Variants in PKP4 observed in about 807,000 individuals in gnomAD.
PKP4 encodes plakophilin 4.
A neutral mutation model predicts 145.1 loss-of-function variants in PKP4; 90 were observed. The ratio of observed to expected loss-of-function variants is 0.62; its 90% CI spans 0.52 to 0.74. PKP4 has a LOEUF of 0.74. PKP4 is among the 30% of genes least tolerant of loss of function. The probability of loss-of-function intolerance (pLI) is 0.00; values close to 1 mark genes in which losing one functional copy is unlikely to be tolerated. For missense variants in PKP4, 1,340 were observed against 1,482.7 expected, an observed-to-expected ratio of 0.90 and a Z score of 1.58; for synonymous variants, 563 against 577.2, an observed-to-expected ratio of 0.98 and a Z score of 0.35.
rs1171439917 is a variant in PKP4, at chr2:158,662,835, AC to A, written c.2212-61del. ...TTATTTCCTGTCTGTAGTGTTCAGT[AC>A]AGAAGTGTTTTGCTCTAATGTGCCG... On this transcript the variant is annotated intron_variant, in intron 13 of 21. Transcript: ENST00000389759. 2.2e-5 allele frequency: 30 copies of A among 1,334,696 alleles called. No individual in the cohort carries two copies. The Admixed American group carries it at 6.3e-4, about 28-fold the overall frequency. The allele number at this position is 1,334,696 out of a possible 1,614,324, so 82.7% of individuals were successfully genotyped here. A position where few individuals can be genotyped will look rare whatever the true frequency, so the allele number is the denominator to read the frequency against.
In PKP4 at chr2:158,640,757, G is replaced by A. The variant is rs772518217; in HGVS notation, c.1693G>A (p.Glu565Lys). The change falls in exon 10 of 22, where the codon GAG becomes AAG. Residue 565 changes from glutamate (E) to lysine (K), a missense_variant and splice_region_variant. Transcript: ENST00000389759. ...LCFGDNKVKMEVCRLGGIKHL... is the reference protein window; with the variant it reads ...LCFGDNKVKMKVCRLGGIKHL... The stretch of plus-strand genomic sequence containing the variant: ...CTTTGGTGACAACAAAGTGAAGATG[G>A]AGGTACAGGACATGGTGCCTGGGAT... 1.9e-6 allele frequency: 3 copies of A among 1,613,986 alleles called. No homozygotes were observed. The African/African-American group carries it at 4.0e-5, about 22-fold the overall frequency.
chr2:158,656,216 C>T (rs1265793933), intron 11 of PKP4, among the ~76,000 whole-genome samples: 1 of 152,108 alleles, frequency 6.6e-6, no homozygotes, highest in East Asian at 1.9e-4. Context: ...CAGCAAAACC[C>T]CCAGGATCCA....
intron 2 of PKP4, among the ~76,000 whole-genome samples, chr2:158,563,263 TA>T (rs1360001256): frequency 2.0e-5 from 3 of 152,110 alleles, no homozygotes; most frequent in Admixed American, 6.6e-5. Flanking sequence ...TTACAAAAAT[TA>T]ATAACAAAAA....
At chr2:158,541,658 C>T (rs2044532339) in intron 2 of PKP4, among the ~76,000 whole-genome samples, 1 of 152,056 alleles carries the variant, frequency 6.6e-6, no homozygotes, top group South Asian at 2.1e-4. Flanking sequence ...GAATTTCAAT[C>T]TCTGTGGCTC....
chr2:158,464,742 G>A (rs1187715312), intron 1 of PKP4, among the ~76,000 whole-genome samples: 2 of 152,202 alleles, frequency 1.3e-5, no homozygotes, highest in Non-Finnish European at 2.9e-5. Context: ...CAGTGAAATG[G>A]ATCATGTGTT....
At chr2:158,554,496 G>A (rs1358854778) in intron 2 of PKP4, among the ~76,000 whole-genome samples, 3 of 150,872 alleles carry the variant, frequency 2.0e-5, no homozygotes, top group African/African-American at 4.9e-5. Flanking sequence ...TGCAATCTTG[G>A]CTCACTGCAA....
chr2:158,522,881 G>T (rs942853202), intron 1 of PKP4, among the ~76,000 whole-genome samples: 6 of 152,202 alleles, frequency 3.9e-5, no homozygotes, highest in Non-Finnish European at 8.8e-5. Flanking sequence ...GACGCACCTG[G>T]AAAATCGGGT....
Position 158,621,298 on chromosome 2 carries a change from A to G in PKP4, c.480A>G (p.Ala160=), listed in dbSNP as rs1227256538. Residue 160 remains alanine (A), a synonymous_variant, in exon 6 of 22, where the codon GCA becomes GCG. Transcript: ENST00000389759. ...NSYSDSGYQE[A]GSFHNSQNVS... ...ATTCCGACAGTGGATACCAGGAAGC[A>G]GGGAGTTTCCACAACAGCCAGAACG... The G allele has an allele frequency of 6.2e-7, 1 of 1,614,106 alleles. No homozygotes were observed. Among genetic ancestry groups the G allele is most frequent in the East Asian group, 2.2e-5 (1 of 44,898 alleles).
At chr2:158,522,987 C>G (rs1275698996) in intron 1 of PKP4, among the ~76,000 whole-genome samples, 2 of 152,080 alleles carry the variant, frequency 1.3e-5, no homozygotes, top group Admixed American at 6.6e-5. Context: ...CCTACGCCCA[C>G]GGAATCTCGC....
chr2:158,578,225 G>A (rs1030202749), intron 3 of PKP4: 1 of 235,506 alleles, frequency 4.2e-6, no homozygotes, highest in Non-Finnish European at 9.3e-6. Flanking sequence ...TCTGTCTGTT[G>A]TTTCTGATTG....
intron 1 of PKP4, among the ~76,000 whole-genome samples, chr2:158,521,260 T>A (rs539479145): frequency 6.6e-6 from 1 of 152,242 alleles, no homozygotes; most frequent in Non-Finnish European, 1.5e-5. Flanking sequence ...TTTGCCATTC[T>A]GGTGCTTGTG....
At chr2:158,547,336 A>G (rs1432441659) in intron 2 of PKP4, among the ~76,000 whole-genome samples, 1 of 152,334 alleles carries the variant, frequency 6.6e-6, no homozygotes, top group East Asian at 1.9e-4. Context: ...AGAAAAAAGA[A>G]CCCAACCATT....
At chr2:158,487,374 G>A (rs910291336) in intron 1 of PKP4, among the ~76,000 whole-genome samples, 4 of 152,108 alleles carry the variant, frequency 2.6e-5, no homozygotes, top group Non-Finnish European at 5.9e-5. Context: ...CATTATGTGT[G>A]TTTTACACAT....
At chr2:158,678,048 A>AAAC (rs2106029840) in intron 20 of PKP4, among the ~76,000 whole-genome samples, 2 of 100,472 alleles carry the variant, frequency 2.0e-5, no homozygotes, top group Admixed American at 1.9e-4. Flanking sequence ...CTTTTGTATT[A>AAAC]AAACATACTT....
At chr2:158,591,524 G>A (rs941945080) in intron 3 of PKP4, among the ~76,000 whole-genome samples, 1 of 151,966 alleles carries the variant, frequency 6.6e-6, no homozygotes, top group East Asian at 1.9e-4. Context: ...TAAATACAAA[G>A]AGTGTTTGTT....
intron 1 of PKP4, among the ~76,000 whole-genome samples, chr2:158,463,666 G>C (rs1380113199): frequency 1.3e-5 from 2 of 152,144 alleles, no homozygotes; most frequent in African/African-American, 4.8e-5. Context: ...ATGCTCTCTA[G>C]AGTCCCTCTA....
At chr2:158,534,247 A>T (rs1055109818) in intron 2 of PKP4, among the ~76,000 whole-genome samples, 1 of 152,180 alleles carries the variant, frequency 6.6e-6, no homozygotes, top group African/African-American at 2.4e-5. Context: ...TTATTACCTT[A>T]TTGTTGTACT....
chr2:158,567,131 T>C (rs537985779), intron 2 of PKP4, among the ~76,000 whole-genome samples: 1 of 152,302 alleles, frequency 6.6e-6, no homozygotes, highest in South Asian at 2.1e-4. Context: ...GTTGTTGTTT[T>C]TGCAAAGAGC....
rs578073370 is a variant in PKP4, at chr2:158,502,012, T to A, written c.-5-31168T>A. Among the ~76,000 whole-genome samples the A allele has an allele frequency of 2.6e-5, 4 of 152,342 alleles. No individual in the cohort carries two copies. The South Asian group carries it at 8.3e-4, about 32-fold the overall frequency. On this transcript the variant is annotated intron_variant, in intron 1 of 21. Transcript: ENST00000389759. ...AGTATTTATAAAGTGTGTTTGATGA[T>A]GCTTACAACATTATTGAAGGTTTTC...
Sources: allele counts gnomAD v4.1 joint callset (sites outside exome capture counted in the v4.1 genomes callset), GRCh38; gene constraint gnomAD v4.1.1; transcripts MANE v1.5; gene names NCBI Gene and HGNC (gene_info 2026-07-23, HGNC 2026-07-21).